The following CEP350 variants were observed in gnomAD, a reference collection of about 807,000 sequenced individuals.
CEP350 encodes centrosome-associated protein 350.
Under a neutral mutation model 331.8 loss-of-function variants are expected in CEP350, and 126 were observed. That is an observed-to-expected ratio of 0.38 (90% CI 0.33 to 0.44). CEP350 has a LOEUF of 0.44. Among genes scored for constraint, CEP350 ranks in the 20% least tolerant of loss-of-function variants. The probability of loss-of-function intolerance (pLI) is 1.00; values close to 1 mark genes in which losing one functional copy is unlikely to be tolerated. For missense variants in CEP350, 3,406 were observed against 3,634.6 expected (o/e 0.94, Z 1.62); for synonymous variants, 1,200 against 1,259.5 (o/e 0.95, Z 1.00).
In CEP350 at chr1:180,037,777, G is replaced by C. The variant is rs368511063; in HGVS notation, c.4110+688G>C. Among the ~76,000 whole-genome samples the C allele has an allele frequency of 1.3e-3, 195 of 152,172 alleles. 1 individual carries two copies. The highest frequency in any genetic ancestry group is 4.5e-3 in the African/African-American group (187 of 41,514). ...CCATTCTCCTGGCTCAGCCTCCCAA[G>C]TAGCTGGGACTACAGGTGCCCGCCA... On this transcript the variant is annotated intron_variant, in intron 17 of 37. Transcript: ENST00000367607.
At chr1:179,982,814 T>C (rs996989645) in intron 1 of CEP350, among the ~76,000 whole-genome samples, 2 of 152,172 alleles carry the variant, frequency 1.3e-5, no homozygotes, top group African/African-American at 2.4e-5. Flanking sequence ...GTTGTTGAGA[T>C]GGAGTCTTGC....
At chr1:180,019,683 A>G (rs1412788462) in intron 11 of CEP350, among the ~76,000 whole-genome samples, 1 of 152,224 alleles carries the variant, frequency 6.6e-6, no homozygotes, top group Non-Finnish European at 1.5e-5. Context: ...AAAACAGTAT[A>G]TATGGTAAAA....
intron 21 of CEP350, among the ~76,000 whole-genome samples, chr1:180,047,774 AAAAAG>A (rs1335629827): frequency 6.0e-5 from 9 of 149,792 alleles, no homozygotes; most frequent in Middle Eastern, 3.4e-3. Flanking sequence ...AAAAAAAAAA[AAAAAG>A]AAAAGAAAAG....
chr1:180,013,639 T>C (rs550635694), intron 9 of CEP350, among the ~76,000 whole-genome samples: 2 of 152,336 alleles, frequency 1.3e-5, no homozygotes, highest in African/African-American at 2.4e-5. Context: ...CAAGGAAATA[T>C]AGTTTTTCAG....
intron 14 of CEP350, among the ~76,000 whole-genome samples, chr1:180,029,584 G>A (rs575095080): frequency 8.5e-5 from 13 of 152,196 alleles, no homozygotes; most frequent in African/African-American, 2.9e-4. Flanking sequence ...TCAGTTTCCC[G>A]TACTGAAGCT....
intron 37 of CEP350, 53 bp downstream of exon 37, chr1:180,099,038 G>GAAT: frequency 5.2e-6 from 8 of 1,550,792 alleles, no homozygotes; most frequent in Non-Finnish European, 7.0e-6. Flanking sequence ...TTTAAACTCA[G>GAAT]AATGCAGTTA....
At chr1:179,979,910 G>A (rs1652152905) in intron 1 of CEP350, among the ~76,000 whole-genome samples, 1 of 152,102 alleles carries the variant, frequency 6.6e-6, no homozygotes, top group Non-Finnish European at 1.5e-5. Flanking sequence ...TTTTATGGCA[G>A]TACTATGCTG....
At chr1:180,067,307 G>C (rs1658601564) in intron 27 of CEP350, among the ~76,000 whole-genome samples, 1 of 152,144 alleles carries the variant, frequency 6.6e-6, no homozygotes, top group Admixed American at 6.5e-5. Flanking sequence ...GTGACTTTTT[G>C]ATCTGTTTGA....
intron 3 of CEP350, among the ~76,000 whole-genome samples, chr1:179,989,356 A>C (rs908160875): frequency 6.6e-6 from 1 of 151,576 alleles, no homozygotes; most frequent in Non-Finnish European, 1.5e-5. Context: ...GGTGGTGTAC[A>C]TCTGTAGTCC....
At chr1:180,088,720 A>C (rs1660003388) in intron 32 of CEP350, among the ~76,000 whole-genome samples, 1 of 152,198 alleles carries the variant, frequency 6.6e-6, no homozygotes, top group South Asian at 2.1e-4. Flanking sequence ...AAGTTATTTA[A>C]CCGCTCTGTG....
At chr1:180,108,117 A>G (rs535204295) in intron 37 of CEP350, among the ~76,000 whole-genome samples, 1 of 152,274 alleles carries the variant, frequency 6.6e-6, no homozygotes, top group East Asian at 1.9e-4. Context: ...TCATGTTCTT[A>G]CTGACTGACA....
At chr1:180,021,651 C>CCTT (rs142364830) in intron 12 of CEP350, among the ~76,000 whole-genome samples, 21,269 of 151,150 alleles carry the variant, frequency 0.14, 1,553 homozygotes, top group African/African-American at 0.17. Context: ...GAGCGAGACT[C>CCTT]CTCAAAAAAA....
At chr1:180,083,265 TGTAATTTCCATGTGTAGTGAAATAAG>T (rs1659677445) in intron 30 of CEP350, among the ~76,000 whole-genome samples, 1 of 152,230 alleles carries the variant, frequency 6.6e-6, no homozygotes, top group Admixed American at 6.5e-5. Context: ...TTCTATCCTA[TGTAATTTCCATGTGTAGTGAAATAAG>T]CAGTGTCTTT....
At chr1:179,967,231 C>A (rs893816377) in intron 1 of CEP350, among the ~76,000 whole-genome samples, 1 of 151,986 alleles carries the variant, frequency 6.6e-6, no homozygotes, top group East Asian at 1.9e-4. Flanking sequence ...CAAAGAAAAT[C>A]TGATTTATCT....
At chr1:180,018,154 C>T (rs1020876277) in intron 11 of CEP350, among the ~76,000 whole-genome samples, 3 of 152,080 alleles carry the variant, frequency 2.0e-5, no homozygotes, top group Non-Finnish European at 2.9e-5. Flanking sequence ...TATAGGCATG[C>T]ACCACCACGC....
Position 180,094,157 on chromosome 1 carries a change from C to CACTTTAGACAAT in CEP350, c.8055_8066dup (p.Leu2686_Thr2689dup). 6.2e-7 allele frequency: 1 copy of CACTTTAGACAAT among 1,613,634 alleles called. No individual in the cohort carries two copies. Among genetic ancestry groups the CACTTTAGACAAT allele is most frequent in the African/African-American group, 1.3e-5 (1 of 75,052 alleles). On this transcript the variant is annotated inframe_insertion, in exon 34 of 38. Transcript: ENST00000367607. Reference sequence around the variant, plus strand: ...AGGTTTCCATCGCTGCAGAAGATGACACTTTAGACAATACCTTTTCCGAAG... The same window carrying CACTTTAGACAAT: ...AGGTTTCCATCGCTGCAGAAGATGACACTTTAGACAATACTTTAGACAATACCTTTTCCGAAG...
intron 27 of CEP350, among the ~76,000 whole-genome samples, chr1:180,074,059 C>T (rs1370099074): frequency 1.3e-5 from 2 of 151,968 alleles, no homozygotes; most frequent in Non-Finnish European, 2.9e-5. Context: ...TTTGTTTCCA[C>T]ATTAATTTGA....
intron 16 of CEP350, 93 bp from the exon 17 acceptor site, chr1:180,036,832 CA>C: frequency 7.3e-7 from 1 of 1,369,066 alleles, no homozygotes. Flanking sequence ...CAAAGGAAAG[CA>C]AAGTTGATTT....
chr1:180,073,116 AG>A (rs1365552720), intron 27 of CEP350, among the ~76,000 whole-genome samples: 2 of 152,006 alleles, frequency 1.3e-5, no homozygotes, highest in Non-Finnish European at 2.9e-5. Context: ...TATTGGGACT[AG>A]CTCACTTTAT....
Sources: gnomAD v4.1 joint callset for allele counts (sites outside exome capture counted in the v4.1 genomes callset) on GRCh38, gnomAD v4.1.1 for gene constraint, MANE v1.5 for transcripts, NCBI Gene and HGNC (gene_info 2026-07-23, HGNC 2026-07-21) for gene names.